Variants in PDZD2 observed in about 807,000 individuals in gnomAD.
The protein encoded by PDZD2 is PDZ domain-containing protein 2.
A neutral mutation model predicts 220.7 loss-of-function variants in PDZD2; 90 were observed. The ratio of observed to expected loss-of-function variants is 0.41; its 90% CI spans 0.34 to 0.49. PDZD2 has a LOEUF of 0.49. Ranked by LOEUF, PDZD2 falls within the 20% of genes least tolerant of loss-of-function variation. The pLI is 0.28. For synonymous variants in PDZD2, 1,375 were observed against 1,450.5 expected (o/e 0.95, Z 1.18); for missense variants, 3,174 against 3,608.5 (o/e 0.88, Z 3.08).
In PDZD2 at chr5:31,685,333, T is replaced by C. The variant is rs565515658; in HGVS notation, c.-361+45896T>C. Among the ~76,000 whole-genome samples the C allele has an allele frequency of 2.4e-3, 361 of 152,294 alleles. 5 individuals are homozygous for C. The highest frequency in any genetic ancestry group is 1.0e-3 in the Non-Finnish European group (70 of 68,022). ...CTTTTTATTTAAAAGCAAGCTAGACTTTTCTCTTAACATTTTCTTCCAGTT... is the reference window on the plus strand; with the variant it reads ...CTTTTTATTTAAAAGCAAGCTAGACCTTTCTCTTAACATTTTCTTCCAGTT... On this transcript the variant is annotated intron_variant, in intron 1 of 24. Coordinates refer to ENST00000438447, the MANE Select transcript of PDZD2 (RefSeq NM_178140.4).
At chr5:31,704,023 C>T (rs1223298623) in intron 1 of PDZD2, among the ~76,000 whole-genome samples, 1 of 142,840 alleles carries the variant, frequency 7.0e-6, no homozygotes, top group African/African-American at 2.6e-5. Context: ...TCCTTCTTTC[C>T]TTCCTTTCTT....
intron 10 of PDZD2, 114 bp from the exon 11 acceptor site, chr5:32,057,538 ATTT>A: frequency 1.5e-6 from 1 of 668,056 alleles, no homozygotes; most frequent in Admixed American, 2.6e-5. Context: ...AATAAAAGTT[ATTT>A]TATGTGGTAG....
chr5:31,662,382 A>G (rs1347268254), intron 1 of PDZD2, among the ~76,000 whole-genome samples: 1 of 152,192 alleles, frequency 6.6e-6, no homozygotes, highest in African/African-American at 2.4e-5. Flanking sequence ...CCTGACACAC[A>G]GTTGGAGCTC....
At chr5:31,680,894 G>A (rs1561380318) in intron 1 of PDZD2, among the ~76,000 whole-genome samples, 1 of 152,120 alleles carries the variant, frequency 6.6e-6, no homozygotes, top group Non-Finnish European at 1.5e-5. Flanking sequence ...AGCAACGGCC[G>A]CAGATCTAGC....
intron 1 of PDZD2, among the ~76,000 whole-genome samples, chr5:31,711,779 G>A (rs1046443487): frequency 2.6e-5 from 4 of 152,192 alleles, no homozygotes; most frequent in Admixed American, 2.6e-4. Flanking sequence ...GCTGGAGCAG[G>A]GCGAGGGTTA....
chr5:31,936,250 G>T lies in PDZD2; in HGVS notation c.477-46905G>T, dbSNP rs1047196474. On this transcript the variant is annotated intron_variant, in intron 2 of 24. Transcript: ENST00000438447. ...CCAGGACTTTAAAGACCTGAATGGAGAAGGGAAGTGAAGCACAACCAACTT... is the reference window on the plus strand; with the variant it reads ...CCAGGACTTTAAAGACCTGAATGGATAAGGGAAGTGAAGCACAACCAACTT... 3.0e-6 allele frequency: 3 copies of T among 987,590 alleles called. No individual in the cohort carries two copies. The African/African-American group carries it at 5.2e-5, about 17-fold the overall frequency. The allele number at this position is 987,590 out of a possible 1,614,324, so 61.2% of individuals were successfully genotyped here. A position where few individuals can be genotyped will look rare whatever the true frequency, so the allele number is the denominator to read the frequency against.
At chr5:31,945,974 C>G (rs543873238) in intron 2 of PDZD2, among the ~76,000 whole-genome samples, 1 of 152,168 alleles carries the variant, frequency 6.6e-6, no homozygotes, top group Non-Finnish European at 1.5e-5. Context: ...AGAATTCTCC[C>G]TGGCAAACAT....
intron 6 of PDZD2, among the ~76,000 whole-genome samples, chr5:32,035,992 G>T (rs1342945307): frequency 3.3e-5 from 5 of 152,146 alleles, no homozygotes; most frequent in Non-Finnish European, 4.4e-5. Flanking sequence ...CGCCCAGGCT[G>T]GAGTGCAGTA....
intron 13 of PDZD2, among the ~76,000 whole-genome samples, chr5:32,060,706 A>G (rs1474948879): frequency 6.8e-6 from 1 of 147,720 alleles, no homozygotes; most frequent in Non-Finnish European, 1.5e-5. Context: ...TGCCTGGCAT[A>G]TAGTATATGC....
At chr5:32,055,556 T>C (rs1739016742) in intron 10 of PDZD2, among the ~76,000 whole-genome samples, 1 of 152,180 alleles carries the variant, frequency 6.6e-6, no homozygotes, top group Non-Finnish European at 1.5e-5. Flanking sequence ...CTCTCACTTA[T>C]TAATATACTT....
At chr5:31,724,747 A>G (rs1367830352) in intron 1 of PDZD2, among the ~76,000 whole-genome samples, 3 of 152,160 alleles carry the variant, frequency 2.0e-5, no homozygotes, top group Admixed American at 6.5e-5. Context: ...TTGACAAGAC[A>G]TAAAGGTCCA....
At chr5:31,939,012 T>C (rs956384368) in intron 2 of PDZD2, among the ~76,000 whole-genome samples, 3 of 152,188 alleles carry the variant, frequency 2.0e-5, no homozygotes, top group African/African-American at 7.2e-5. Flanking sequence ...CAACCATCTT[T>C]CCTCCTATAT....
chr5:32,059,293 C>G lies in PDZD2; in HGVS notation c.2255C>G (p.Pro752Arg), dbSNP rs147928498. 6.2e-7 allele frequency: 1 copy of G among 1,613,700 alleles called. No individual in the cohort carries two copies. The highest frequency in any genetic ancestry group is 1.3e-5 in the African/African-American group (1 of 75,044). The stretch of plus-strand genomic sequence containing the variant: ...TGCTGCTTGGCTCTGGAAAACAGTC[C>G]TCCTGGCATCTACATTCACAGCCTT... Reference protein sequence around the residue: ...GACCLALENSPPGIYIHSLAP... With the variant: ...GACCLALENSRPGIYIHSLAP... Residue 752 changes from proline to arginine, a missense_variant, in exon 13 of 25, where the codon CCT (proline) becomes CGT (arginine). Physicochemically the swap from Pro to Arg is moderately radical, Grantham distance 103 (BLOSUM62 -2). This residue lies in a region of PDZD2 where 1,861 missense variants were observed against 2,001.0 expected (regional missense o/e 0.93). Coordinates refer to ENST00000438447, the MANE Select transcript of PDZD2 (RefSeq NM_178140.4).
At chr5:31,816,205 A>G (rs573527279) in intron 2 of PDZD2, among the ~76,000 whole-genome samples, 12 of 150,026 alleles carry the variant, frequency 8.0e-5, no homozygotes, top group South Asian at 4.2e-4. Flanking sequence ...GGAGAATGGC[A>G]TGAACCCGGG....
intron 1 of PDZD2, among the ~76,000 whole-genome samples, chr5:31,662,456 A>G (rs1312462511): frequency 6.6e-6 from 1 of 152,198 alleles, no homozygotes; most frequent in Non-Finnish European, 1.5e-5. Context: ...CCATAAACTC[A>G]GTGGCTTATA....
intron 2 of PDZD2, chr5:31,908,699 G>A (rs113008758): frequency 0.057 from 60,666 of 1,065,398 alleles, 2,326 homozygotes; most frequent in Middle Eastern, 0.12. Flanking sequence ...TTATGACAGG[G>A]GCTGCAGAGC....
At chr5:31,831,048 T>A (rs954400152) in intron 2 of PDZD2, among the ~76,000 whole-genome samples, 4 of 152,238 alleles carry the variant, frequency 2.6e-5, no homozygotes, top group Non-Finnish European at 5.9e-5. Context: ...CTTTTCCTTA[T>A]CAGAGATCAT....
At chr5:31,828,532 G>C (rs1172231314) in intron 2 of PDZD2, among the ~76,000 whole-genome samples, 1 of 152,184 alleles carries the variant, frequency 6.6e-6, no homozygotes, top group Non-Finnish European at 1.5e-5. Flanking sequence ...CTGCCACCCA[G>C]CCTGGAGTGC....
In PDZD2 at chr5:31,691,273, C is replaced by T. The variant is rs1044171558; in HGVS notation, c.-361+51836C>T. On this transcript the variant is annotated intron_variant, in intron 1 of 24. Transcript: ENST00000438447. ...AGTTGTTCGTTCCTCCCGGTGGGCT[C>T]GTGGTCTCGCTGGCTTCAGGAGTGA... Among the ~76,000 whole-genome samples, 3 of 151,388 alleles carry T rather than the reference C, an allele frequency of 2.0e-5. 1 individual carries two copies. Among genetic ancestry groups the T allele is most frequent in the East Asian group, 3.9e-4 (2 of 5,150 alleles).
Sources: gnomAD v4.1 joint callset for allele counts (sites outside exome capture counted in the v4.1 genomes callset) on GRCh38, gnomAD v4.1.1 for gene constraint, gnomAD v4.1.1 regional missense constraint, MANE v1.5 for transcripts, NCBI Gene and HGNC (gene_info 2026-07-23, HGNC 2026-07-21) for gene names.